AASS: variants seen among roughly 807,000 people sequenced by gnomAD.
AASS encodes alpha-aminoadipic semialdehyde synthase, mitochondrial.
AASS carries 86 observed loss-of-function variants against 105.4 expected under a neutral mutation model. That is an observed-to-expected ratio of 0.82 (90% confidence interval 0.69 to 0.98). The LOEUF is 0.98. Among genes scored for constraint, AASS ranks in the 50% least tolerant of loss-of-function variants. The probability of loss-of-function intolerance (pLI) is 0.00; values close to 1 mark genes in which losing one functional copy is unlikely to be tolerated. For synonymous variants in AASS, 381 were observed against 394.8 expected, an observed-to-expected ratio of 0.96 and a Z score of 0.41; for missense variants, 1,048 against 1,143.2, an observed-to-expected ratio of 0.92 and a Z score of 1.20.
chr7:122,118,755 G>A, intron 4 of AASS, 125 bp from the exon 5 acceptor site: 1 of 954,562 alleles, frequency 1.0e-6, no homozygotes, highest in South Asian at 1.4e-5. Context: ...AGATTTAGAA[G>A]AGGCCTCAGT....
chr7:122,082,664 G>T, intron 19 of AASS: 2 of 389,014 alleles, frequency 5.1e-6, no homozygotes, highest in Non-Finnish European at 9.4e-6. Flanking sequence ...AACAAATAAT[G>T]CCTAGTCCAT....
At chr7:122,097,658 T>C (rs1794227190) in intron 15 of AASS, among the ~76,000 whole-genome samples, 1 of 152,050 alleles carries the variant, frequency 6.6e-6, no homozygotes, top group African/African-American at 2.4e-5. Flanking sequence ...ATCTGCATTT[T>C]TGTTAGTAAT....
intron 1 of AASS, among the ~76,000 whole-genome samples, chr7:122,139,082 C>A (rs543479545): frequency 1.3e-5 from 2 of 152,200 alleles, no homozygotes; most frequent in Admixed American, 1.3e-4. Flanking sequence ...GTCTTTTGTA[C>A]AATTACACAT....
rs1348779225 is a variant in AASS, at chr7:122,115,097, T to A, written c.1020A>T (p.Glu340Asp). Residue 340 changes from glutamate to aspartate, a missense_variant, in exon 9 of 24, where the codon GAA (glutamate) becomes GAT (aspartate). Physicochemically the swap from Glu to Asp is conservative, Grantham distance 45 (BLOSUM62 2). Transcript: ENST00000417368. Reference sequence around the variant, plus strand: ...ACTTGTGTGGTAATGCAGGGCAGCCTTCCACACCAGCAGGTGAGAACTTGC... The same window carrying A: ...ACTTGTGTGGTAATGCAGGGCAGCCATCCACACCAGCAGGTGAGAACTTGC... ...APGKFSPAGV[E>D]GCPALPHKLV... 1.2e-6 allele frequency: 2 copies of A among 1,614,148 alleles called. No individual in the cohort carries two copies. The highest frequency in any genetic ancestry group is 1.7e-6 in the Non-Finnish European group (2 of 1,180,012).
chr7:122,091,726 C>CAG lies in AASS; in HGVS notation c.1991_1992dup (p.Ala665LeufsTer11). 6.2e-7 allele frequency: 1 copy of CAG among 1,613,224 alleles called. No homozygotes were observed. The highest frequency in any genetic ancestry group is 1.1e-5 in the South Asian group (1 of 91,054). On this transcript the variant is annotated frameshift_variant, in exon 18 of 24. Coordinates refer to ENST00000417368, the MANE Select transcript of AASS (RefSeq NM_005763.4). LOFTEE classifies it high-confidence loss of function. The stretch of plus-strand genomic sequence containing the variant: ...ACCTTTCCATCGAGCAGATAGGTGG[C>CAG]AGACTGCATTACATTCATCAAAACT...
chr7:122,120,863 ATCTT>A (rs1228694357), intron 4 of AASS, among the ~76,000 whole-genome samples: 1 of 152,066 alleles, frequency 6.6e-6, no homozygotes, highest in African/African-American at 2.4e-5. Context: ...ATTTCCAAAT[ATCTT>A]TCTATAAAAA....
intron 1 of AASS, among the ~76,000 whole-genome samples, chr7:122,140,798 G>A (rs1169029528): frequency 6.6e-6 from 1 of 151,328 alleles, no homozygotes; most frequent in African/African-American, 2.4e-5. Flanking sequence ...CTAAGAATGA[G>A]GTAATGTAGT....
intron 2 of AASS, among the ~76,000 whole-genome samples, chr7:122,131,599 T>C (rs900968428): frequency 2.0e-5 from 3 of 151,920 alleles, no homozygotes; most frequent in Non-Finnish European, 4.4e-5. Flanking sequence ...GTATCAGTAT[T>C]AACTCATGAT....
At chr7:122,100,495 T>C (rs1794377009) in intron 13 of AASS, among the ~76,000 whole-genome samples, 1 of 151,866 alleles carries the variant, frequency 6.6e-6, no homozygotes, top group Non-Finnish European at 1.5e-5. Flanking sequence ...AACCAGCACA[T>C]ATGGAAAAGC....
intron 8 of AASS, 94 bp downstream of exon 8, chr7:122,116,539 A>G (rs976658819): frequency 1.3e-6 from 2 of 1,518,594 alleles, no homozygotes; most frequent in Non-Finnish European, 1.8e-6. Flanking sequence ...GGAAAACTGA[A>G]AGCCATTGTA....
At chr7:122,114,892 C>A (rs771120038) in intron 9 of AASS, among the ~76,000 whole-genome samples, 182 bp downstream of exon 9, 3 of 151,232 alleles carry the variant, frequency 2.0e-5, no homozygotes, top group Non-Finnish European at 4.4e-5. Context: ...TAAATATATA[C>A]AATAAAATTT....
Position 122,115,219 on chromosome 7 carries a change from C to A in AASS, c.898G>T (p.Ala300Ser). 2 of 1,614,014 alleles carry A rather than the reference C, an allele frequency of 1.2e-6. No homozygotes were observed. Among genetic ancestry groups the A allele is most frequent in the Non-Finnish European group, 1.7e-6 (2 of 1,179,978 alleles). The change falls in exon 9 of 24, where the codon GCA becomes TCA. Residue 300 changes from alanine (A) to serine (S), a missense_variant. Physicochemically the swap from Ala to Ser is moderately conservative, Grantham distance 99. Transcript: ENST00000417368. Reference protein sequence around the residue: ...RYISRFNTDIAPYTTCLINGI... With the variant: ...RYISRFNTDISPYTTCLINGI... ...TTAATTAAGCAAGTTGTATAGGGTGCAATCTGTAATGCAAGTTCCAGGTTC... is the reference window on the plus strand; with the variant it reads ...TTAATTAAGCAAGTTGTATAGGGTGAAATCTGTAATGCAAGTTCCAGGTTC...
chr7:122,107,731 C>T (rs1379144929), intron 11 of AASS, among the ~76,000 whole-genome samples: 1 of 152,032 alleles, frequency 6.6e-6, no homozygotes, highest in Non-Finnish European at 1.5e-5. Context: ...GGGAACAACA[C>T]ACACTGGGGC....
chr7:122,132,700 T>C (rs1187264637), intron 2 of AASS, among the ~76,000 whole-genome samples: 2 of 152,168 alleles, frequency 1.3e-5, no homozygotes, highest in African/African-American at 4.8e-5. Flanking sequence ...ATATAACATA[T>C]AGAATATAAT....
At chr7:122,093,206 CT>C (rs762976039) in intron 15 of AASS, 48 bp from the exon 16 acceptor site, 1 of 1,340,306 alleles carries the variant, frequency 7.5e-7, no homozygotes, top group East Asian at 2.3e-5. Context: ...TTCAACTCTA[CT>C]TTCTAAGGTA....
Position 122,074,186 on chromosome 7 carries a change from G to A in AASS, c.*2303C>T, listed in dbSNP as rs190363653. Among the ~76,000 whole-genome samples, 13 of 152,258 alleles carry A rather than the reference G, an allele frequency of 8.5e-5. No individual in the cohort carries two copies. Among genetic ancestry groups the A allele is most frequent in the Admixed American group, 2.6e-4 (4 of 15,276 alleles). On this transcript the variant is annotated 3_prime_UTR_variant, in exon 24 of 24. Transcript: ENST00000417368. ...ATATCTATTCCAGTGAGTGTTAAGT[G>A]ATATCTCATTGTAGATCTCATTTGC...
chr7:122,111,405 T>A (rs770117210), intron 11 of AASS, among the ~76,000 whole-genome samples: 1 of 152,130 alleles, frequency 6.6e-6, no homozygotes, highest in African/African-American at 2.4e-5. Flanking sequence ...ACTAAGAGAA[T>A]CTGTCATCAG....
chr7:122,077,012 AG>A (rs1467455217), intron 23 of AASS, among the ~76,000 whole-genome samples: 1 of 152,236 alleles, frequency 6.6e-6, no homozygotes, highest in East Asian at 1.9e-4. Context: ...ATATGGGCAC[AG>A]GCACCTGTTA....
chr7:122,079,424 TCTCTTTATCTA>T (rs777823240), intron 21 of AASS, 162 bp downstream of exon 21: 3 of 1,154,970 alleles, frequency 2.6e-6, no homozygotes, highest in Non-Finnish European at 3.6e-6. Context: ...ATTGAGCTCC[TCTCTTTATCTA>T]CTCTTTATGC....
Sources: allele counts gnomAD v4.1 joint callset (sites outside exome capture counted in the v4.1 genomes callset), GRCh38; gene constraint gnomAD v4.1.1; transcripts MANE v1.5; gene names NCBI Gene and HGNC (gene_info 2026-07-23, HGNC 2026-07-21).